NUP160: variants seen among roughly 807,000 people sequenced by gnomAD.
The protein encoded by NUP160 is nucleoporin 160.
In NUP160, 94 loss-of-function variants were observed where a neutral mutation model predicts 196.9. The ratio of observed to expected loss-of-function variants is 0.48; its 90% CI spans 0.40 to 0.57. The LOEUF is 0.57. Ranked by LOEUF, NUP160 falls within the 20% of genes least tolerant of loss-of-function variation. The pLI, the probability that NUP160 is intolerant of heterozygous loss-of-function variation, is 0.00. For missense variants in NUP160, 1,638 were observed against 1,748.3 expected, an observed-to-expected ratio of 0.94 and a Z score of 1.13; for synonymous variants, 605 against 619.7, an observed-to-expected ratio of 0.98 and a Z score of 0.35.
intron 17 of NUP160, among the ~76,000 whole-genome samples, chr11:47,809,734 CAAAA>C (rs779243939): frequency 4.2e-5 from 2 of 47,906 alleles, no homozygotes; most frequent in Non-Finnish European, 6.8e-5. Flanking sequence ...GCAAGACTCT[CAAAA>C]AAAAAAAAAA....
In NUP160 at chr11:47,806,810, C is replaced by T. The variant is rs959175113; in HGVS notation, c.2446+260G>A. 5.1e-4 allele frequency among the ~76,000 whole-genome samples: 67 copies of T among 132,382 alleles called. 1 individual carries two copies. The highest frequency in any genetic ancestry group is 7.1e-4 in the South Asian group (3 of 4,198). The allele number at this position is 132,382 out of a possible 152,430, so 86.8% of individuals were successfully genotyped here. A position where few individuals can be genotyped will look rare whatever the true frequency, so the allele number is the denominator to read the frequency against. On this transcript the variant is annotated intron_variant, in intron 19 of 35. Coordinates refer to ENST00000378460, the Ensembl canonical transcript of NUP160. ...AGCTATACACACACACACACACACACACACACACACACACACACACACACA... is the reference window on the plus strand; with the variant it reads ...AGCTATACACACACACACACACACATACACACACACACACACACACACACA...
At chr11:47,847,654 G>GT (rs1852425703) in intron 2 of NUP160, among the ~76,000 whole-genome samples, 194 bp downstream of exon 2, 1 of 122,400 alleles carries the variant, frequency 8.2e-6, no homozygotes, top group African/African-American at 3.2e-5. Context: ...GGGGTGGGGG[G>GT]GGGGAGGGGG....
At chr11:47,803,529 A>G (rs2097675635) in exon 22 of NUP160, 7 of 1,597,062 alleles carry the variant, frequency 4.4e-6, no homozygotes, top group Non-Finnish European at 6.0e-6. Flanking sequence ...TAGCAGTTGA[A>G]TATAATCCTT....
At chr11:47,787,741 A>G (rs531204867) in intron 31 of NUP160, among the ~76,000 whole-genome samples, 1 of 150,668 alleles carries the variant, frequency 6.6e-6, no homozygotes, top group East Asian at 2.0e-4. Flanking sequence ...TTTTTGAGAC[A>G]GAGTCTCGCT....
At chr11:47,798,115 T>C (rs2135358066) in intron 25 of NUP160, 41 bp from the exon 26 acceptor site, 1 of 1,536,154 alleles carries the variant, frequency 6.5e-7, no homozygotes, top group Middle Eastern at 1.7e-4. Context: ...ACTATCTTAG[T>C]AGGTTAAACA....
At position 47,815,258 on chromosome 11, in the gene NUP160, A is replaced by G. The variant is rs963327281; in HGVS notation, c.1686+221T>C. On this transcript the variant is annotated intron_variant, in intron 13 of 35. Coordinates refer to ENST00000378460, the Ensembl canonical transcript of NUP160. ...AAGAAAAAGAAATAAATACAATAAA[A>G]TACAAAAAAAGTATAGAGAATAACA... 4 of 377,690 alleles carry G rather than the reference A, an allele frequency of 1.1e-5. No individual in the cohort carries two copies. In the East Asian group the frequency reaches 1.6e-4, roughly 15 times the overall value. 23.4% of individuals were successfully genotyped at this position (377,690 alleles called of 1,614,324 possible).
At chr11:47,845,627 G>T (rs1852387112) in intron 2 of NUP160, among the ~76,000 whole-genome samples, 1 of 152,168 alleles carries the variant, frequency 6.6e-6, no homozygotes, top group African/African-American at 2.4e-5. Context: ...TAAGAGTAGG[G>T]ACTTTGTTTT....
intron 29 of NUP160, among the ~76,000 whole-genome samples, 161 bp from the exon 30 acceptor site, chr11:47,788,772 A>G (rs779145203): frequency 6.6e-6 from 1 of 152,226 alleles, no homozygotes; most frequent in Non-Finnish European, 1.5e-5. Flanking sequence ...ATGCTAACTT[A>G]AACAAATTAT....
intron 2 of NUP160, among the ~76,000 whole-genome samples, chr11:47,842,366 A>G (rs186031245): frequency 5.2e-4 from 79 of 152,290 alleles, no homozygotes; most frequent in African/African-American, 1.8e-3. Flanking sequence ...CGGCATCAGC[A>G]CAATTTTCTG....
At chr11:47,835,369 C>T (rs560779674) in intron 7 of NUP160, among the ~76,000 whole-genome samples, 7 of 152,156 alleles carry the variant, frequency 4.6e-5, no homozygotes, top group Non-Finnish European at 8.8e-5. Context: ...CACCTACATC[C>T]CTTTCAGGAA....
intron 27 of NUP160, chr11:47,796,372 A>G (rs2097670920): frequency 1.7e-6 from 1 of 587,084 alleles, no homozygotes; most frequent in Non-Finnish European, 3.1e-6. Context: ...ATCCTTACAA[A>G]TTGCTGTTCT....
intron 3 of NUP160, 113 bp from the exon 4 acceptor site, chr11:47,840,178 A>C (rs900389442): frequency 1.1e-6 from 1 of 884,450 alleles, no homozygotes; most frequent in Non-Finnish European, 1.8e-6. Flanking sequence ...AGTTTAAGAA[A>C]GCTATTCTTC....
intron 5 of NUP160, 52 bp from the exon 6 acceptor site, chr11:47,837,053 A>G (rs1852191004): frequency 9.8e-7 from 1 of 1,025,336 alleles, no homozygotes; most frequent in Non-Finnish European, 1.5e-6. Context: ...GAATCTGATC[A>G]TTAGAATTTG....
rs2097666104 is a variant in NUP160 at position 47,788,612 on chromosome 11, C to CTA, written c.3512-3_3512-2dup. On this transcript the variant is annotated splice_acceptor_variant, in intron 29 of 35. Transcript: ENST00000378460. LOFTEE classifies it high-confidence loss of function. ...TCCAGGATTTCAATTTGTCGATTTG[C>CTA]TATACATCAAAGAAAAATATTTTGA... The CTA allele has an allele frequency of 6.2e-7, 1 of 1,603,846 alleles. No individual in the cohort carries two copies. The highest frequency in any genetic ancestry group is 2.2e-5 in the East Asian group (1 of 44,826).
intron 7 of NUP160, among the ~76,000 whole-genome samples, chr11:47,828,367 A>T (rs1852012760): frequency 6.6e-6 from 1 of 152,248 alleles, no homozygotes; most frequent in Non-Finnish European, 1.5e-5. Flanking sequence ...TAATAGCATC[A>T]AGAAAATTTC....
chr11:47,782,289 TAA>T (rs1164772188), intron 34 of NUP160, among the ~76,000 whole-genome samples: 15 of 31,878 alleles, frequency 4.7e-4, no homozygotes, highest in African/African-American at 9.2e-4. Flanking sequence ...AAAACTCAGT[TAA>T]AAAAAAAAAA....
intron 17 of NUP160, among the ~76,000 whole-genome samples, chr11:47,809,542 A>G (rs1284503964): frequency 6.6e-6 from 1 of 152,132 alleles, no homozygotes; most frequent in Non-Finnish European, 1.5e-5. Context: ...TGAGGCCAGG[A>G]GTTCGAGACC....
At chr11:47,839,162 G>A (rs1189751474) in intron 4 of NUP160, among the ~76,000 whole-genome samples, 2 of 151,956 alleles carry the variant, frequency 1.3e-5, no homozygotes, top group African/African-American at 4.8e-5. Flanking sequence ...CACGATCTTG[G>A]CTTATCGCAA....
chr11:47,785,379 C>T (rs1166291434), intron 32 of NUP160, among the ~76,000 whole-genome samples: 2 of 152,110 alleles, frequency 1.3e-5, no homozygotes, highest in East Asian at 3.9e-4. Context: ...GATCCTCTGA[C>T]CTTGTCCTCC....
Sources: allele counts gnomAD v4.1 joint callset (sites outside exome capture counted in the v4.1 genomes callset), GRCh38; gene constraint gnomAD v4.1.1; transcripts MANE v1.5; gene names NCBI Gene and HGNC (gene_info 2026-07-23, HGNC 2026-07-21).